Variants in MPG observed in about 807,000 individuals in gnomAD.
The protein encoded by MPG is N-methylpurine DNA glycosylase, also known as DNA-3-methyladenine glycosylase.
In MPG, 33 loss-of-function variants were observed where a neutral mutation model predicts 31.7. That is an observed-to-expected ratio of 1.04 (90% CI 0.79 to 1.39). The LOEUF (loss-of-function observed/expected upper bound fraction) is 1.39, where lower values mean the gene tolerates loss of function less well. MPG is among the 40% of genes most tolerant of loss of function. The pLI, the probability that MPG is intolerant of heterozygous loss-of-function variation, is 0.00. For missense variants in MPG, 455 were observed against 415.5 expected, an observed-to-expected ratio of 1.10 and a Z score of -0.83; for synonymous variants, 202 against 169.2, an observed-to-expected ratio of 1.19 and a Z score of -1.51.
Position 83,034 on chromosome 16 carries a change from G to A in MPG, c.301-18G>A. 6.4e-7 allele frequency: 1 copy of A among 1,574,200 alleles called. No individual in the cohort carries two copies. The highest frequency in any genetic ancestry group is 1.2e-5 in the South Asian group (1 of 85,166). ...CCCCCATCCCTTCCCGCCCTGAGCA[G>A]AAACTGACTGCCCACAGGTCCTAGT... On this transcript the variant is annotated intron_variant, in intron 2 of 3. Transcript: ENST00000356432.
chr16:85,390 C>A lies in MPG; in HGVS notation c.506-11C>A. 1 of 1,591,056 alleles carries A rather than the reference C, an allele frequency of 6.3e-7. No homozygotes were observed. The highest frequency in any genetic ancestry group is 1.1e-5 in the South Asian group (1 of 89,222). On this transcript the variant is annotated splice_polypyrimidine_tract_variant and intron_variant, in intron 3 of 3. Coordinates refer to ENST00000356432, the MANE Select transcript of MPG (RefSeq NM_001015052.3). ...TAGGGAGGCTCCACTTCCAAACTGT[C>A]CGTCCCACAGGGGACGGGGCTTGCG...
Position 79,421 on chromosome 16 carries a change from A to T in MPG, c.25-4A>T. On this transcript the variant is annotated splice_polypyrimidine_tract_variant and splice_region_variant and intron_variant, in intron 1 of 3. Coordinates refer to ENST00000356432, the MANE Select transcript of MPG (RefSeq NM_001015052.3). ...ATGCTTATTTATTTTTTTTCCCATT[A>T]CAGTTTTGCCGACGGATGGGGCAAA... 2 of 1,613,290 alleles carry T rather than the reference A, an allele frequency of 1.2e-6. No homozygotes were observed. The highest frequency in any genetic ancestry group is 1.7e-6 in the Non-Finnish European group (2 of 1,179,956).
At position 83,161 on chromosome 16, in the gene MPG, A is replaced by G. The variant is rs201493010; in HGVS notation, c.410A>G (p.Gln137Arg). 8.1e-6 allele frequency: 13 copies of G among 1,613,268 alleles called. No homozygotes were observed. In the East Asian group the frequency reaches 2.7e-4, roughly 33 times the overall value. The part of the protein sequence containing the change: ...DEAAHSRGGR[Q>R]TPRNRGMFMK... ...GCCGCCCACTCAAGGGGTGGCCGGCAGACCCCCCGCAACCGAGGCATGTTC... is the reference window on the plus strand; with the variant it reads ...GCCGCCCACTCAAGGGGTGGCCGGCGGACCCCCCGCAACCGAGGCATGTTC... Residue 137 changes from glutamine to arginine, a missense_variant, in exon 3 of 4, where the codon CAG becomes CGG. Physicochemically the swap from Gln to Arg is conservative, Grantham distance 43. Coordinates refer to ENST00000356432, the MANE Select transcript of MPG (RefSeq NM_001015052.3).
intron 2 of MPG, among the ~76,000 whole-genome samples, chr16:82,402 G>A (rs1200333908): frequency 6.6e-6 from 1 of 152,232 alleles, no homozygotes; most frequent in Non-Finnish European, 1.5e-5. Flanking sequence ...TGCAGGGGAT[G>A]TGGTTGGTCC....
chr16:82,812 A>G (rs981086887), intron 2 of MPG, among the ~76,000 whole-genome samples: 1 of 152,206 alleles, frequency 6.6e-6, no homozygotes, highest in Non-Finnish European at 1.5e-5. Context: ...GGCCTGAGGT[A>G]TCTTCGGCCT....
chr16:81,741 A>G lies in MPG; in HGVS notation c.301-1311A>G, dbSNP rs1310728873. ...CGGGAAGGCCTCCTGAATGCTCCCC[A>G]CACTGACCCCTTCTTCCCACCACCC... On this transcript the variant is annotated intron_variant, in intron 2 of 3. Coordinates refer to ENST00000356432, the MANE Select transcript of MPG (RefSeq NM_001015052.3). Among the ~76,000 whole-genome samples the G allele has an allele frequency of 7.0e-4, 45 of 64,074 alleles. 1 individual carries two copies. Among genetic ancestry groups the G allele is most frequent in the South Asian group, 1.3e-3 (2 of 1,566 alleles). 42.0% of individuals were successfully genotyped at this position (64,074 alleles called of 152,430 possible).
chr16:77,227 GC>G (rs1249429754), upstream of MPG: 2 of 152,368 alleles, frequency 1.3e-5, no homozygotes, highest in African/African-American at 4.8e-5. Flanking sequence ...GATTGTGCCT[GC>G]CACAGTGGAG....
chr16:81,633 A>G lies in MPG; in HGVS notation c.301-1419A>G, dbSNP rs528623403. Among the ~76,000 whole-genome samples the G allele has an allele frequency of 3.7e-3, 503 of 135,930 alleles. 1 individual carries two copies. Among genetic ancestry groups the G allele is most frequent in the Non-Finnish European group, 5.0e-3 (323 of 64,768 alleles). 89.2% of individuals were successfully genotyped at this position (135,930 alleles called of 152,430 possible). ...GGCCTCCTGAATGCTCCCCACACTG[A>G]CCCCTTCTTCCCACCACCCTATCTC... is the stretch of plus-strand genomic sequence containing the variant. On this transcript the variant is annotated intron_variant, in intron 2 of 3. Coordinates refer to ENST00000356432, the MANE Select transcript of MPG (RefSeq NM_001015052.3).
At chr16:82,817 C>T (rs1464683757) in intron 2 of MPG, among the ~76,000 whole-genome samples, 17 of 152,200 alleles carry the variant, frequency 1.1e-4, no homozygotes, top group Non-Finnish European at 1.9e-4. Flanking sequence ...GAGGTATCTT[C>T]GGCCTGCGGT....
chr16:85,287 C>A, intron 3 of MPG, 114 bp from the exon 4 acceptor site: 1 of 1,308,810 alleles, frequency 7.6e-7, no homozygotes, highest in Non-Finnish European at 1.0e-6. Flanking sequence ...AGGTCCCTGG[C>A]CCAGGCAGGA....
chr16:82,991 A>G, intron 2 of MPG, 61 bp from the exon 3 acceptor site: 1 of 1,429,264 alleles, frequency 7.0e-7, no homozygotes, highest in South Asian at 1.3e-5. Flanking sequence ...CAGGCTGGGC[A>G]CTGTTAGGGT....
chr16:78,400 G>A (rs969454988), intron 1 of MPG, 67 bp downstream of exon 1: 242 of 1,160,058 alleles, frequency 2.1e-4, no homozygotes, highest in Non-Finnish European at 2.4e-4. Context: ...AGCGAGCGCG[G>A]CCGCGGGAGC....
intron 1 of MPG, chr16:79,068 C>T (rs1262278284): frequency 7.0e-7 from 1 of 1,437,108 alleles, no homozygotes; most frequent in Non-Finnish European, 9.1e-7. Flanking sequence ...TGCTTGGGAC[C>T]TGCATGATGA....
intron 3 of MPG, chr16:84,414 C>G (rs563085518): frequency 6.6e-6 from 1 of 152,256 alleles, no homozygotes; most frequent in Non-Finnish European, 1.5e-5. Context: ...TGGCCGCAGC[C>G]CAAGAGTAGG....
chr16:79,318 A>G (rs374658198), intron 1 of MPG, 107 bp from the exon 2 acceptor site: 13 of 1,610,190 alleles, frequency 8.1e-6, no homozygotes, highest in Admixed American at 1.7e-5. Flanking sequence ...TTGCAGATGA[A>G]GAAACCAAAG....
chr16:85,558 C>T lies in MPG; in HGVS notation c.663C>T (p.Ala221=). The T allele has an allele frequency of 5.0e-6, 8 of 1,613,420 alleles. No homozygotes were observed. Among genetic ancestry groups the T allele is most frequent in the Non-Finnish European group, 6.8e-6 (8 of 1,179,992 alleles). The change falls in exon 4 of 4, where the codon GCC becomes GCT. Residue 221 remains alanine, a synonymous_variant. Coordinates refer to ENST00000356432, the MANE Select transcript of MPG (RefSeq NM_001015052.3). ...CCTCCAAGCTGTGCCAGGCCCTGGCCATCAACAAGAGCTTTGACCAGAGGG... is the reference window on the plus strand; with the variant it reads ...CCTCCAAGCTGTGCCAGGCCCTGGCTATCAACAAGAGCTTTGACCAGAGGG... ...SGPSKLCQAL[A]INKSFDQRDL...
chr16:79,853 T>G (rs1898194904), intron 2 of MPG, 153 bp downstream of exon 2: 1 of 840,446 alleles, frequency 1.2e-6, no homozygotes, highest in Non-Finnish European at 1.8e-6. Context: ...CCTGCTTAGC[T>G]TCATCTCAGT....
In MPG at chr16:85,456, C is replaced by G. The variant is rs760278233; in HGVS notation, c.561C>G (p.Thr187=). ...TGGAGCCCCTGGAAGGTCTGGAGAC[C>G]ATGCGTCAGCTTCGCAGCACCCTCC... ...RALEPLEGLE[T]MRQLRSTLRK... is the part of the protein sequence containing the mutation. Residue 187 remains threonine (T), a synonymous_variant, in exon 4 of 4, where the codon ACC becomes ACG. Coordinates refer to ENST00000356432, the MANE Select transcript of MPG (RefSeq NM_001015052.3). 1.9e-6 allele frequency: 3 copies of G among 1,612,982 alleles called. No homozygotes were observed. In the East Asian group the frequency reaches 6.7e-5, roughly 36 times the overall value.
Position 79,566 on chromosome 16 carries a change from T to A in MPG, c.166T>A (p.Cys56Ser). The change falls in exon 2 of 4, where the codon TGC becomes AGC. Residue 56 changes from cysteine (C) to serine (S), a missense_variant. By Grantham distance (112) the Cys-to-Ser change is moderately radical (BLOSUM62 -1). Transcript: ENST00000356432. ...CCAGGCACCTTGCCCCAGGGAGCGC[T>A]GCTTGGGACCGCCCACCACTCCGGG... is the stretch of plus-strand genomic sequence containing the variant. The part of the protein sequence containing the change: ...AAQAPCPRER[C>S]LGPPTTPGPY... The A allele has an allele frequency of 6.2e-7, 1 of 1,612,502 alleles. No individual in the cohort carries two copies. Among genetic ancestry groups the A allele is most frequent in the Non-Finnish European group, 8.5e-7 (1 of 1,179,742 alleles).
Sources: allele counts gnomAD v4.1 joint callset (sites outside exome capture counted in the v4.1 genomes callset), GRCh38; gene constraint gnomAD v4.1.1; transcripts MANE v1.5; gene names NCBI Gene and HGNC (gene_info 2026-07-23, HGNC 2026-07-21).